Variants in GPR146 observed in about 807,000 individuals in gnomAD.
The protein encoded by GPR146 is G-protein coupled receptor 146.
For synonymous variants in GPR146, 203 were observed against 104.3 expected, an observed-to-expected ratio of 1.95 and a Z score of -5.77; for missense variants, 381 against 213.9, an observed-to-expected ratio of 1.78 and a Z score of -4.87.
At chr7:1,053,172 C>T (rs1298956678) in intron 1 of GPR146, among the ~76,000 whole-genome samples, 4 of 149,438 alleles carry the variant, frequency 2.7e-5, no homozygotes, top group Non-Finnish European at 4.5e-5. Context: ...CAGAGGCAAG[C>T]GGGAGACCAC....
chr7:1,054,877 A>G (rs11763835), intron 1 of GPR146, among the ~76,000 whole-genome samples: 17,398 of 151,966 alleles, frequency 0.11, 1,202 homozygotes, highest in Middle Eastern at 0.25. Context: ...GCCTCTGAGG[A>G]CTCCTGTGTC....
rs902043349 is a variant in GPR146, at chr7:1,058,581, G to A, written c.*64G>A. The A allele has an allele frequency of 2.6e-5, 18 of 689,614 alleles. No individual in the cohort carries two copies. In the Middle Eastern group the frequency reaches 7.5e-4, roughly 29 times the overall value. 42.7% of individuals were successfully genotyped at this position (689,614 alleles called of 1,614,324 possible). On this transcript the variant is annotated 3_prime_UTR_variant, in exon 2 of 2. Transcript: ENST00000444847. ...CGCAGAGCACTTAGTTACCCTGGAC[G>A]CTCCCCACATCCTTCCAGAAGGAGA...
chr7:1,051,362 C>T (rs1453700451), intron 1 of GPR146, among the ~76,000 whole-genome samples: 4 of 152,250 alleles, frequency 2.6e-5, no homozygotes, highest in Non-Finnish European at 4.4e-5. Context: ...TGAGCCAGGC[C>T]GCCGAGGTTC....
chr7:1,049,071 C>T (rs1380980492), intron 1 of GPR146, among the ~76,000 whole-genome samples: 7 of 152,236 alleles, frequency 4.6e-5, no homozygotes, highest in Admixed American at 6.5e-5. Flanking sequence ...CAGGCCTCCG[C>T]GGTCTGACCC....
intron 1 of GPR146, among the ~76,000 whole-genome samples, chr7:1,055,754 C>T (rs1484669487): frequency 6.6e-6 from 1 of 152,114 alleles, no homozygotes; most frequent in African/African-American, 2.4e-5. Flanking sequence ...AGGCAGCACA[C>T]AAGGCACACA....
At position 1,057,524 on chromosome 7, in the gene GPR146, C is replaced by G; in HGVS notation, c.9C>G (p.Ser3Arg). Residue 3 changes from serine (S) to arginine (R), a missense_variant, in exon 2 of 2, where the codon AGC (serine) becomes AGG (arginine). By Grantham distance (110) the Ser-to-Arg change is moderately radical. Coordinates refer to ENST00000444847, the MANE Select transcript of GPR146 (RefSeq NM_001303473.2). ...GAGCCTCGCCGGCCGCCATGTGGAG[C>G]TGCAGCTGGTTCAACGGCACAGGGC... MW[S>R]CSWFNGTGLV... 1.3e-6 allele frequency: 1 copy of G among 769,642 alleles called. No homozygotes were observed. Among genetic ancestry groups the G allele is most frequent in the Non-Finnish European group, 2.4e-6 (1 of 414,096 alleles). The allele number at this position is 769,642 out of a possible 1,614,324, so 47.7% of individuals were successfully genotyped here.
rs1342434416 is a variant in GPR146 at position 1,057,977 on chromosome 7, C to T, written c.462C>T (p.Gly154=). The T allele has an allele frequency of 9.1e-6, 7 of 770,922 alleles. No individual in the cohort carries two copies. The highest frequency in any genetic ancestry group is 1.7e-5 in the Admixed American group (1 of 59,040). 47.8% of individuals were successfully genotyped at this position (770,922 alleles called of 1,614,324 possible). ...TRHVCGFVWG[G]ALLTSFSSLL... is the part of the protein sequence containing the mutation. ...ACGTGTGCGGCTTCGTGTGGGGTGG[C>T]GCGCTGCTGACCAGCTTCTCCTCGC... The change falls in exon 2 of 2, where the codon GGC becomes GGT. Residue 154 remains glycine (G), a synonymous_variant. Coordinates refer to ENST00000444847, the MANE Select transcript of GPR146 (RefSeq NM_001303473.2).
intron 1 of GPR146, among the ~76,000 whole-genome samples, chr7:1,047,228 A>T (rs1028345991): frequency 4.6e-5 from 7 of 152,210 alleles, no homozygotes; most frequent in South Asian, 2.1e-4. Flanking sequence ...CTGGCCCAGC[A>T]AGGTGCTTGG....
Position 1,057,822 on chromosome 7 carries a change from G to T in GPR146, c.307G>T (p.Val103Leu). ...GTGGAGTGTGGGCGGCGAAGTCCAC[G>T]TGGCACTGCAGATCCCCTTCAATGT... ...ALWSVGGEVH[V>L]ALQIPFNVSS... is the part of the protein sequence containing the mutation. The change falls in exon 2 of 2, where the codon GTG becomes TTG. Residue 103 changes from valine to leucine, a missense_variant. By Grantham distance (32) the Val-to-Leu change is conservative. Coordinates refer to ENST00000444847, the MANE Select transcript of GPR146 (RefSeq NM_001303473.2). 1.3e-6 allele frequency: 1 copy of T among 777,376 alleles called. No individual in the cohort carries two copies. Among genetic ancestry groups the T allele is most frequent in the South Asian group, 1.3e-5 (1 of 74,616 alleles). The allele number at this position is 777,376 out of a possible 1,614,324, so 48.2% of individuals were successfully genotyped here. A position where few individuals can be genotyped will look rare whatever the true frequency, so the allele number is the denominator to read the frequency against.
At chr7:1,055,827 G>C (rs1338548362) in intron 1 of GPR146, among the ~76,000 whole-genome samples, 3 of 152,226 alleles carry the variant, frequency 2.0e-5, no homozygotes, top group African/African-American at 4.8e-5. Context: ...GGGGGCCCTG[G>C]GCGCCCCGTG....
Position 1,052,235 on chromosome 7 carries a change from C to T in GPR146, c.-24-5257C>T, listed in dbSNP as rs546915508. 5.9e-5 allele frequency among the ~76,000 whole-genome samples: 9 copies of T among 152,352 alleles called. No individual in the cohort carries two copies. The highest frequency in any genetic ancestry group is 2.1e-4 in the South Asian group (1 of 4,832). On this transcript the variant is annotated intron_variant, in intron 1 of 1. Transcript: ENST00000444847. The surrounding 1 kb of genome is among the most constrained non-coding windows in gnomAD (Gnocchi z 4.2). ...AGTGGGTGAGGAGCCTCTGAGCAGG[C>T]GCCTGCGTCGAGGCGTGCCCTCCTG... is the stretch of plus-strand genomic sequence containing the variant.
At chr7:1,048,085 C>A (rs573997695) in intron 1 of GPR146, among the ~76,000 whole-genome samples, 21 of 152,182 alleles carry the variant, frequency 1.4e-4, no homozygotes, top group African/African-American at 5.1e-4. Context: ...GGGGTGGGTT[C>A]CCGGGGGTAC....
Position 1,058,278 on chromosome 7 carries a change from G to T in GPR146, c.763G>T (p.Gly255Trp), listed in dbSNP as rs768707688. ...GACGCCACACTATCTGATCCTGCTG[G>T]GGCACACGGTCATCATCTCGCGAGG... ...LWTPHYLILL[G>W]HTVIISRGKP... The change falls in exon 2 of 2, where the codon GGG (glycine) becomes TGG (tryptophan). Residue 255 changes from glycine to tryptophan, a missense_variant. Gly to Trp is a radical substitution (Grantham distance 184). Transcript: ENST00000444847. 1.7e-5 allele frequency: 13 copies of T among 772,980 alleles called. No individual in the cohort carries two copies. The highest frequency in any genetic ancestry group is 2.6e-5 in the Non-Finnish European group (11 of 418,032). 47.9% of individuals were successfully genotyped at this position (772,980 alleles called of 1,614,324 possible).
chr7:1,058,000 C>T lies in GPR146; in HGVS notation c.485C>T (p.Ser162Leu), dbSNP rs758366243. The T allele has an allele frequency of 1.7e-5, 13 of 770,140 alleles. No individual in the cohort carries two copies. The highest frequency in any genetic ancestry group is 9.4e-5 in the South Asian group (7 of 74,628). The allele number at this position is 770,140 out of a possible 1,614,324, so 47.7% of individuals were successfully genotyped here. ...GGCGCGCTGCTGACCAGCTTCTCCT[C>T]GCTGCTCTTCTACATCTGCAGCCAT... ...WGGALLTSFS[S>L]LLFYICSHVS... Residue 162 changes from serine (S) to leucine (L), a missense_variant, in exon 2 of 2, where the codon TCG (serine) becomes TTG (leucine). Coordinates refer to ENST00000444847, the MANE Select transcript of GPR146 (RefSeq NM_001303473.2).
chr7:1,048,806 T>C (rs1782825427), intron 1 of GPR146, among the ~76,000 whole-genome samples: 1 of 152,182 alleles, frequency 6.6e-6, no homozygotes, highest in Admixed American at 6.5e-5. Flanking sequence ...CCAGACATTT[T>C]CACGAGTTAT....
rs772239205 is a variant in GPR146 at position 1,058,327 on chromosome 7, T to C, written c.812T>C (p.Leu271Pro). Residue 271 changes from leucine to proline, a missense_variant, in exon 2 of 2, where the codon CTG (leucine) becomes CCG (proline). Coordinates refer to ENST00000444847, the MANE Select transcript of GPR146 (RefSeq NM_001303473.2). ...GGGAAGCCCGTGGACGCACACTACCTGGGGCTACTGCACTTTGTGAAGGAT... is the reference window on the plus strand; with the variant it reads ...GGGAAGCCCGTGGACGCACACTACCCGGGGCTACTGCACTTTGTGAAGGAT... ...SRGKPVDAHYLGLLHFVKDFS... is the reference protein window; with the variant it reads ...SRGKPVDAHYPGLLHFVKDFS... 9.0e-6 allele frequency: 7 copies of C among 777,488 alleles called. No homozygotes were observed. The highest frequency in any genetic ancestry group is 1.7e-5 in the Non-Finnish European group (7 of 418,088). 48.2% of individuals were successfully genotyped at this position (777,488 alleles called of 1,614,324 possible).
intron 1 of GPR146, chr7:1,056,761 T>A (rs1228560719): frequency 6.7e-6 from 1 of 148,720 alleles, no homozygotes; most frequent in Non-Finnish European, 1.5e-5. Context: ...CGCTTTCTAC[T>A]CCACTCCGAG....
rs1362332995 is a variant in GPR146, at chr7:1,057,705, G to A, written c.190G>A (p.Val64Met). The stretch of plus-strand genomic sequence containing the variant: ...CAAGGCCAGCATGACCATGCCGGAC[G>A]TGTACTTTGTCAACATGGCAGTGGC... ...HSKASMTMPD[V>M]YFVNMAVAGL... Residue 64 changes from valine to methionine, a missense_variant, in exon 2 of 2, where the codon GTG becomes ATG. Coordinates refer to ENST00000444847, the MANE Select transcript of GPR146 (RefSeq NM_001303473.2). 1.7e-5 allele frequency: 13 copies of A among 775,102 alleles called. No individual in the cohort carries two copies. Among genetic ancestry groups the A allele is most frequent in the South Asian group, 2.7e-5 (2 of 74,292 alleles). 48.0% of individuals were successfully genotyped at this position (775,102 alleles called of 1,614,324 possible).
chr7:1,055,335 G>C (rs1316490646), intron 1 of GPR146: 1 of 471,126 alleles, frequency 2.1e-6, no homozygotes. Context: ...GGCCAGGCGC[G>C]CTGCTGATAA....
Sources: gnomAD v4.1 joint callset for allele counts (sites outside exome capture counted in the v4.1 genomes callset) on GRCh38, gnomAD v4.1.1 for gene constraint, Gnocchi (gnomAD v3.1) non-coding constraint, MANE v1.5 for transcripts, NCBI Gene and HGNC (gene_info 2026-07-23, HGNC 2026-07-21) for gene names.